The following PPIL6 variants were observed in gnomAD, a reference collection of about 807,000 sequenced individuals.
PPIL6 encodes the protein probable inactive peptidyl-prolyl cis-trans isomerase-like 6.
Under a neutral mutation model 36.8 loss-of-function variants are expected in PPIL6, and 39 were observed. The ratio of observed to expected loss-of-function variants is 1.06; its 90% CI spans 0.82 to 1.38. The LOEUF (loss-of-function observed/expected upper bound fraction) is 1.38, where lower values mean the gene tolerates loss of function less well. Among genes scored for constraint, PPIL6 ranks in the 40% most tolerant of loss-of-function variants. The pLI, the probability that PPIL6 is intolerant of heterozygous loss-of-function variation, is 0.00. For missense variants in PPIL6, 368 were observed against 379.1 expected (o/e 0.97, Z 0.24); for synonymous variants, 123 against 134.1 (o/e 0.92, Z 0.57).
chr6:109,426,869 C>G lies in PPIL6; in HGVS notation c.609G>C (p.Gln203His). The change falls in exon 5 of 8, where the codon CAG becomes CAC. Residue 203 changes from glutamine (Q) to histidine (H), a missense_variant. Coordinates refer to ENST00000521072, the MANE Select transcript of PPIL6 (RefSeq NM_173672.5). ...TACCCCCTCCTTGTATCCAGCCATT[C>G]TGTACTATTCGATGAAAAATGGAAT... is the stretch of plus-strand genomic sequence containing the variant. The part of the protein sequence containing the change: ...YKNSIFHRIV[Q>H]NGWIQGGDIV... The G allele has an allele frequency of 2.5e-6, 4 of 1,581,264 alleles. No homozygotes were observed. Among genetic ancestry groups the G allele is most frequent in the Non-Finnish European group, 3.5e-6 (4 of 1,156,938 alleles).
chr6:109,401,950 C>T (rs1401594062), intron 6 of PPIL6, among the ~76,000 whole-genome samples: 2 of 151,974 alleles, frequency 1.3e-5, no homozygotes, highest in African/African-American at 2.4e-5. Flanking sequence ...GTCTCTATCT[C>T]GTGACCTCGT....
intron 6 of PPIL6, among the ~76,000 whole-genome samples, chr6:109,401,479 T>C (rs1015669667): frequency 8.5e-5 from 13 of 152,270 alleles, no homozygotes; most frequent in African/African-American, 2.4e-4. Flanking sequence ...TGTTATTAAG[T>C]TTCAAAACTA....
At chr6:109,399,016 C>T (rs970637224) in intron 7 of PPIL6, among the ~76,000 whole-genome samples, 8 of 151,996 alleles carry the variant, frequency 5.3e-5, no homozygotes, top group African/African-American at 1.9e-4. Context: ...AATCATGGCT[C>T]CCAGGCTCAA....
chr6:109,424,978 T>C (rs1246153352), intron 5 of PPIL6, among the ~76,000 whole-genome samples: 2 of 152,210 alleles, frequency 1.3e-5, no homozygotes, highest in East Asian at 3.9e-4. Flanking sequence ...ATAAACTTAC[T>C]TTCACTTTAC....
At chr6:109,403,011 C>CT in intron 6 of PPIL6, 1 of 1,503,128 alleles carries the variant, frequency 6.7e-7, no homozygotes, top group Non-Finnish European at 8.9e-7. Context: ...CTCTGACTCA[C>CT]TCTTTAATCG....
At chr6:109,419,367 G>T in intron 5 of PPIL6, 124 bp from the exon 6 acceptor site, 1 of 635,470 alleles carries the variant, frequency 1.6e-6, no homozygotes, top group Non-Finnish European at 2.8e-6. Context: ...GATCACTGGA[G>T]CCCAGGAGTT....
At chr6:109,427,896 C>G (rs1019579032) in intron 3 of PPIL6, among the ~76,000 whole-genome samples, 3 of 152,186 alleles carry the variant, frequency 2.0e-5, no homozygotes, top group Non-Finnish European at 4.4e-5. Flanking sequence ...TCATGAACAT[C>G]ATGGATTTGG....
intron 6 of PPIL6, among the ~76,000 whole-genome samples, chr6:109,403,982 TCA>T (rs1772672380): frequency 6.6e-6 from 1 of 152,198 alleles, no homozygotes; most frequent in Non-Finnish European, 1.5e-5. Context: ...GCTCTCGCTT[TCA>T]CAGTTACTCA....
intron 6 of PPIL6, chr6:109,418,028 C>T (rs1449912321): frequency 1.3e-5 from 2 of 152,222 alleles, no homozygotes; most frequent in African/African-American, 4.8e-5. Context: ...CATTAGTTTT[C>T]CTAAATGTTT....
At chr6:109,405,349 T>G (rs886265503) in intron 6 of PPIL6, among the ~76,000 whole-genome samples, 1 of 152,164 alleles carries the variant, frequency 6.6e-6, no homozygotes, top group African/African-American at 2.4e-5. Flanking sequence ...TCTTTCCCAT[T>G]TAAAAAAAAT....
intron 6 of PPIL6, among the ~76,000 whole-genome samples, chr6:109,414,960 T>C (rs901459375): frequency 6.6e-6 from 1 of 152,148 alleles, no homozygotes; most frequent in Admixed American, 6.5e-5. Flanking sequence ...GAAAATAAAA[T>C]GTTATAAAGA....
At chr6:109,412,355 T>A (rs1011971231) in intron 6 of PPIL6, among the ~76,000 whole-genome samples, 2 of 152,182 alleles carry the variant, frequency 1.3e-5, no homozygotes, top group African/African-American at 4.8e-5. Context: ...AAAAAGGAAT[T>A]ACCAATGACA....
intron 3 of PPIL6, among the ~76,000 whole-genome samples, chr6:109,427,565 T>C (rs1437825531): frequency 6.6e-6 from 1 of 152,044 alleles, no homozygotes; most frequent in Non-Finnish European, 1.5e-5. Context: ...TTTTGTATTT[T>C]TGATAGAGAT....
chr6:109,424,072 G>A (rs1202963641), intron 5 of PPIL6, among the ~76,000 whole-genome samples: 2 of 152,210 alleles, frequency 1.3e-5, no homozygotes, highest in Non-Finnish European at 2.9e-5. Flanking sequence ...GTGCTAGGAA[G>A]AAAGATAAAA....
In PPIL6 at chr6:109,392,894, C is replaced by T; in HGVS notation, c.868G>A (p.Val290Ile). The T allele has an allele frequency of 1.2e-6, 2 of 1,612,144 alleles. No homozygotes were observed. Among genetic ancestry groups the T allele is most frequent in the Non-Finnish European group, 1.7e-6 (2 of 1,178,826 alleles). Residue 290 changes from valine to isoleucine, a missense_variant, in exon 8 of 8, where the codon GTT (valine) becomes ATT (isoleucine). Val to Ile is a conservative substitution (Grantham distance 29, BLOSUM62 3). Coordinates refer to ENST00000521072, the MANE Select transcript of PPIL6 (RefSeq NM_173672.5). ...ATTGGTCTTTCATTCTGTGTTGGAA[C>T]TAATTCTAGTTGTTTAAGCACTTCT... is the stretch of plus-strand genomic sequence containing the variant. ...GTEVLKQLEL[V>I]PTQNERPIHM...
At chr6:109,428,724 G>C (rs552299073) in intron 3 of PPIL6, among the ~76,000 whole-genome samples, 24 of 152,008 alleles carry the variant, frequency 1.6e-4, no homozygotes, top group African/African-American at 5.6e-4. Flanking sequence ...ATCTAGCAAT[G>C]AACTGTTCCA....
chr6:109,411,791 C>T (rs763379468), intron 6 of PPIL6, among the ~76,000 whole-genome samples: 7 of 152,212 alleles, frequency 4.6e-5, no homozygotes, highest in African/African-American at 7.2e-5. Context: ...CCTGTGGGCC[C>T]GTTACAACAG....
chr6:109,405,511 C>T (rs956150905), intron 6 of PPIL6, among the ~76,000 whole-genome samples: 2 of 152,150 alleles, frequency 1.3e-5, no homozygotes, highest in Non-Finnish European at 2.9e-5. Flanking sequence ...TGGTACAGTC[C>T]AGCATGTTGC....
intron 7 of PPIL6, among the ~76,000 whole-genome samples, chr6:109,395,398 C>A (rs552975931): frequency 1.7e-4 from 26 of 151,202 alleles, no homozygotes; most frequent in African/African-American, 6.1e-4. Context: ...CAGAGTGAGA[C>A]CCTGTCTCAA....
Sources: gnomAD v4.1 joint callset for allele counts (sites outside exome capture counted in the v4.1 genomes callset) on GRCh38, gnomAD v4.1.1 for gene constraint, MANE v1.5 for transcripts, NCBI Gene and HGNC (gene_info 2026-07-23, HGNC 2026-07-21) for gene names.